The following MTUS2 variants were observed in gnomAD, a reference collection of about 807,000 sequenced individuals.
MTUS2 encodes microtubule associated scaffold protein 2.
In MTUS2, 40 loss-of-function variants were observed where a neutral mutation model predicts 114.1. The observed-to-expected ratio is 0.35, with a 90% confidence interval of 0.27 to 0.46. MTUS2 has a LOEUF of 0.46. MTUS2 is among the 20% of genes least tolerant of loss of function. MTUS2 has a pLI of 1.00. For missense variants in MTUS2, 1,679 were observed against 1,705.4 expected, an observed-to-expected ratio of 0.98 and a Z score of 0.27; for synonymous variants, 688 against 672.0, an observed-to-expected ratio of 1.02 and a Z score of -0.37.
chr13:29,154,233 G>A (rs1441801112), intron 5 of MTUS2, among the ~76,000 whole-genome samples: 1 of 152,184 alleles, frequency 6.6e-6, no homozygotes, highest in Admixed American at 6.5e-5. Flanking sequence ...GGAAAACTAA[G>A]TTTTAAACTC....
chr13:29,427,577 G>T (rs899457681), intron 8 of MTUS2, among the ~76,000 whole-genome samples: 12 of 152,340 alleles, frequency 7.9e-5, no homozygotes, highest in African/African-American at 2.6e-4. Flanking sequence ...TAGCTTTAAA[G>T]AAAGGTTTCC....
intron 4 of MTUS2, among the ~76,000 whole-genome samples, chr13:29,072,334 T>G (rs1299650566): frequency 6.6e-6 from 1 of 152,224 alleles, no homozygotes; most frequent in Admixed American, 6.5e-5. Flanking sequence ...TAAAAATACC[T>G]GTATTCTGTC....
intron 2 of MTUS2, among the ~76,000 whole-genome samples, chr13:28,907,235 A>C (rs1420631972): frequency 1.3e-5 from 2 of 151,618 alleles, no homozygotes; most frequent in Non-Finnish European, 2.9e-5. Flanking sequence ...CCTGCCCTAA[A>C]AGAGCTCCTG....
intron 5 of MTUS2, among the ~76,000 whole-genome samples, chr13:29,115,209 C>CAGACT (rs5802507): frequency 0.49 from 73,951 of 151,550 alleles, 18,154 homozygotes; most frequent in South Asian, 0.61. Flanking sequence ...AGTCTGCCAA[C>CAGACT]AGACTAGGTG....
At chr13:29,005,900 T>C (rs1885580912) in intron 2 of MTUS2, among the ~76,000 whole-genome samples, 1 of 152,188 alleles carries the variant, frequency 6.6e-6, no homozygotes, top group East Asian at 1.9e-4. Context: ...GTATTGCCGT[T>C]TGAGTTTTGA....
chr13:28,910,516 C>A (rs952384328), intron 2 of MTUS2, among the ~76,000 whole-genome samples: 2 of 152,062 alleles, frequency 1.3e-5, no homozygotes, highest in Non-Finnish European at 1.5e-5. Context: ...ATTACCTGTT[C>A]TTTCTTTTCC....
At chr13:29,235,126 T>C (rs7985337) in intron 5 of MTUS2, among the ~76,000 whole-genome samples, 129,093 of 152,008 alleles carry the variant, frequency 0.85, 54,983 homozygotes, top group African/African-American at 0.91. Flanking sequence ...GACCTGGTTT[T>C]GCTCTTGTTG....
At chr13:28,933,118 AACACACACAC>A (rs59162969) in intron 2 of MTUS2, among the ~76,000 whole-genome samples, 3,720 of 145,174 alleles carry the variant, frequency 0.026, 51 homozygotes, top group Middle Eastern at 0.045. Flanking sequence ...GGAGAATCAG[AACACACACAC>A]ACACACACAC....
In MTUS2 at chr13:29,501,099, A is replaced by C; in HGVS notation, c.3801A>C (p.Ala1267=). Residue 1267 remains alanine (A), a splice_region_variant and synonymous_variant, in exon 15 of 16, where the codon GCA becomes GCC. Transcript: ENST00000612955. ...EKKILELEKL[A]EKNIILEEKI... is the part of the protein sequence containing the mutation. ...CTTAAACACTGTTTCCTTTGTAGGC[A>C]GAAAAGAACATTATCCTAGAAGAAA... 6.2e-7 allele frequency: 1 copy of C among 1,613,936 alleles called. No individual in the cohort carries two copies. Among genetic ancestry groups the C allele is most frequent in the Non-Finnish European group, 8.5e-7 (1 of 1,179,850 alleles).
chr13:29,108,737 G>T (rs754590950), intron 5 of MTUS2, among the ~76,000 whole-genome samples: 2 of 152,148 alleles, frequency 1.3e-5, no homozygotes, highest in African/African-American at 4.8e-5. Flanking sequence ...GGCACAGGAA[G>T]GGGGAAGTAT....
chr13:29,029,896 C>T (rs573220442), intron 3 of MTUS2, among the ~76,000 whole-genome samples: 3 of 152,330 alleles, frequency 2.0e-5, no homozygotes, highest in African/African-American at 7.2e-5. Context: ...CCCCATGGCC[C>T]ACACACCTCC....
chr13:29,038,623 T>A (rs1593409123), intron 4 of MTUS2, among the ~76,000 whole-genome samples: 1 of 152,362 alleles, frequency 6.6e-6, no homozygotes, highest in East Asian at 1.9e-4. Flanking sequence ...TGTTTAAGTC[T>A]GCTGAAGCTG....
chr13:29,307,229 C>T (rs1899512646), intron 6 of MTUS2: 1 of 601,826 alleles, frequency 1.7e-6, no homozygotes, highest in East Asian at 3.3e-5. Flanking sequence ...AGCAATGCCT[C>T]CTGCACCATG....
chr13:29,474,845 A>G (rs530510893), intron 9 of MTUS2, among the ~76,000 whole-genome samples: 2 of 152,270 alleles, frequency 1.3e-5, no homozygotes, highest in African/African-American at 4.8e-5. Context: ...TTTTTCATCA[A>G]TGTGAATAAG....
intron 5 of MTUS2, among the ~76,000 whole-genome samples, chr13:29,224,141 A>G (rs1397422765): frequency 2.6e-5 from 4 of 152,226 alleles, no homozygotes; most frequent in Non-Finnish European, 5.9e-5. Context: ...GAACGAGCCC[A>G]GTGGACCCAA....
At chr13:29,365,150 G>A (rs536989829) in intron 8 of MTUS2, among the ~76,000 whole-genome samples, 3 of 152,288 alleles carry the variant, frequency 2.0e-5, no homozygotes, top group Non-Finnish European at 4.4e-5. Flanking sequence ...TAGGACTTCA[G>A]CTAAAGGAAG....
chr13:29,490,912 A>AG (rs1882015032), intron 11 of MTUS2, among the ~76,000 whole-genome samples: 4 of 152,244 alleles, frequency 2.6e-5, no homozygotes, highest in Admixed American at 2.6e-4. Flanking sequence ...AACAGTTTAG[A>AG]GAATCAATGA....
chr13:29,023,282 G>T (rs913401790), intron 2 of MTUS2, among the ~76,000 whole-genome samples: 1 of 152,198 alleles, frequency 6.6e-6, no homozygotes, highest in Non-Finnish European at 1.5e-5. Context: ...AGGCCAGAAA[G>T]GTGTTCAGGG....
intron 8 of MTUS2, among the ~76,000 whole-genome samples, chr13:29,365,160 G>T (rs557182661): frequency 5.6e-4 from 85 of 152,304 alleles, no homozygotes; most frequent in African/African-American, 1.8e-3. Context: ...GCTAAAGGAA[G>T]TTTTTAGCAC....
Sources: gnomAD v4.1 joint callset for allele counts (sites outside exome capture counted in the v4.1 genomes callset) on GRCh38, gnomAD v4.1.1 for gene constraint, MANE v1.5 for transcripts, NCBI Gene and HGNC (gene_info 2026-07-23, HGNC 2026-07-21) for gene names.